The following DTX1 variants were observed in gnomAD, a reference collection of about 807,000 sequenced individuals.
DTX1 encodes E3 ubiquitin-protein ligase DTX1.
In DTX1, 26 loss-of-function variants were observed where a neutral mutation model predicts 57.8. The observed-to-expected ratio is 0.45, with a 90% CI of 0.33 to 0.62. DTX1 has a LOEUF of 0.62. Ranked by LOEUF, DTX1 falls within the 20% of genes least tolerant of loss-of-function variation. DTX1 has a pLI of 0.02. For missense variants in DTX1, 704 were observed against 895.3 expected (o/e 0.79, Z 2.73); for synonymous variants, 398 against 394.1 (o/e 1.01, Z -0.12).
Position 113,077,933 on chromosome 12 carries a change from G to C in DTX1, c.769G>C (p.Ala257Pro). Reference sequence around the variant, plus strand: ...CCCCAGCGCCACCTTCACAGGCGCCGCGCTCTGGGCAGCGCCCGCCGCCGG... The same window carrying C: ...CCCCAGCGCCACCTTCACAGGCGCCCCGCTCTGGGCAGCGCCCGCCGCCGG... ...VRPSATFTGA[A>P]LWAAPAAGPA... The change falls in exon 3 of 10, where the codon GCG becomes CCG. Residue 257 changes from alanine (A) to proline (P), a missense_variant. By Grantham distance (27) the Ala-to-Pro change is conservative. Around this residue, in one of 3 missense-constraint regions of DTX1, gnomAD observed 299 missense variants for 311.2 expected, o/e 0.96. Coordinates refer to ENST00000548759, the MANE Select transcript of DTX1 (RefSeq NM_004416.3). The surrounding 1 kb of genome is among the most constrained non-coding windows in gnomAD (Gnocchi z 7.8). The C allele has an allele frequency of 1.8e-6, 2 of 1,117,612 alleles. No individual in the cohort carries two copies. The highest frequency in any genetic ancestry group is 2.2e-6 in the Non-Finnish European group (2 of 916,392). 69.2% of individuals were successfully genotyped at this position (1,117,612 alleles called of 1,614,324 possible). A position where few individuals can be genotyped will look rare whatever the true frequency, so the allele number is the denominator to read the frequency against.
chr12:113,095,474 T>C, intron 9 of DTX1, 60 bp downstream of exon 9: 2 of 1,594,198 alleles, frequency 1.3e-6, no homozygotes, highest in Admixed American at 3.4e-5. Flanking sequence ...CAGCAACCAC[T>C]GGCCTGGGCC....
chr12:113,081,890 A>AT (rs2044820780), intron 3 of DTX1, among the ~76,000 whole-genome samples: 1 of 152,086 alleles, frequency 6.6e-6, no homozygotes, highest in South Asian at 2.1e-4. Context: ...TTTACCCCAA[A>AT]TGGGGGTACA....
intron 3 of DTX1, among the ~76,000 whole-genome samples, chr12:113,092,910 G>C (rs895687996): frequency 2.0e-5 from 3 of 152,200 alleles, no homozygotes; most frequent in Non-Finnish European, 4.4e-5. Flanking sequence ...CCGGCTGTAG[G>C]GTAAGGAGGT....
chr12:113,077,929 C>G lies in DTX1; in HGVS notation c.765C>G (p.Gly255=). Reference sequence around the variant, plus strand: ...TGCGCCCCAGCGCCACCTTCACAGGCGCCGCGCTCTGGGCAGCGCCCGCCG... The same window carrying G: ...TGCGCCCCAGCGCCACCTTCACAGGGGCCGCGCTCTGGGCAGCGCCCGCCG... ...LAVRPSATFT[G]AALWAAPAAG... is the part of the protein sequence containing the mutation. Residue 255 remains glycine, a synonymous_variant, in exon 3 of 10, where the codon GGC becomes GGG. Transcript: ENST00000548759. This position sits in a 1 kb window ranked among gnomAD's most constrained non-coding sequence, Gnocchi z 7.8. 1 of 1,147,096 alleles carries G rather than the reference C, an allele frequency of 8.7e-7. No individual in the cohort carries two copies. Among genetic ancestry groups the G allele is most frequent in the Non-Finnish European group, 1.1e-6 (1 of 935,976 alleles). The allele number at this position is 1,147,096 out of a possible 1,614,324, so 71.1% of individuals were successfully genotyped here. A position where few individuals can be genotyped will look rare whatever the true frequency, so the allele number is the denominator to read the frequency against.
chr12:113,087,064 A>C (rs1295806885), intron 3 of DTX1, among the ~76,000 whole-genome samples: 1 of 150,572 alleles, frequency 6.6e-6, no homozygotes, highest in East Asian at 1.9e-4. Flanking sequence ...CCCTGCCCCC[A>C]ACCATCTCCT....
chr12:113,081,038 C>T (rs890437538), intron 3 of DTX1, among the ~76,000 whole-genome samples: 4 of 151,562 alleles, frequency 2.6e-5, no homozygotes, highest in Admixed American at 2.6e-4. Flanking sequence ...TAATAGGTTG[C>T]GAGGTGAAAT....
intron 3 of DTX1, among the ~76,000 whole-genome samples, chr12:113,085,404 TACA>T (rs2136063321): frequency 6.6e-6 from 1 of 152,324 alleles, no homozygotes; most frequent in African/African-American, 2.4e-5. Flanking sequence ...ATCAGATTTG[TACA>T]ACATTGCCAA....
intron 2 of DTX1, among the ~76,000 whole-genome samples, chr12:113,066,326 C>G (rs2044703310): frequency 6.6e-6 from 1 of 151,990 alleles, no homozygotes; most frequent in Non-Finnish European, 1.5e-5. Context: ...GTCAGGAGTT[C>G]GAGACCAGCC....
intron 2 of DTX1, among the ~76,000 whole-genome samples, chr12:113,073,716 A>C (rs1592846356): frequency 6.6e-6 from 1 of 152,216 alleles, no homozygotes; most frequent in Non-Finnish European, 1.5e-5. Context: ...AGTGTGGAAC[A>C]GTCTGAGTTC....
chr12:113,093,539 G>C lies in DTX1; in HGVS notation c.1004G>C (p.Gly335Ala). 1.3e-6 allele frequency: 2 copies of C among 1,598,422 alleles called. No individual in the cohort carries two copies. Among genetic ancestry groups the C allele is most frequent in the Non-Finnish European group, 1.7e-6 (2 of 1,171,984 alleles). Residue 335 changes from glycine to alanine, a missense_variant and splice_region_variant, in exon 5 of 10, where the codon GGG becomes GCG. By Grantham distance (60) the Gly-to-Ala change is moderately conservative. Coordinates refer to ENST00000548759, the MANE Select transcript of DTX1 (RefSeq NM_004416.3). The surrounding 1 kb of genome is among the most constrained non-coding windows in gnomAD (Gnocchi z 4.2). ...GTGPVHPALAGMTGILLCAAG... is the reference protein window; with the variant it reads ...GTGPVHPALAAMTGILLCAAG... ...TGTGACTGCGCCCCCTAACCCCCAG[G>C]GATGACCGGGATACTGCTGTGCGCG...
chr12:113,082,619 G>C (rs1264301848), intron 3 of DTX1, among the ~76,000 whole-genome samples: 1 of 152,156 alleles, frequency 6.6e-6, no homozygotes, highest in Admixed American at 6.5e-5. Flanking sequence ...TTTAGAGACA[G>C]AGCCTCGCTC....
chr12:113,096,232 A>G (rs1450313270), intron 9 of DTX1, among the ~76,000 whole-genome samples: 2 of 151,082 alleles, frequency 1.3e-5, no homozygotes, highest in Non-Finnish European at 3.0e-5. Flanking sequence ...GGCCAAGCGC[A>G]GTGGTGCACA....
intron 3 of DTX1, among the ~76,000 whole-genome samples, chr12:113,078,742 C>T (rs575818284): frequency 6.6e-6 from 1 of 152,100 alleles, no homozygotes; most frequent in Non-Finnish European, 1.5e-5. Context: ...TGTCCTTGTC[C>T]CAGTCCATGC....
Position 113,076,095 on chromosome 12 carries a change from A to G in DTX1, c.260-1329A>G, listed in dbSNP as rs537168008. Among the ~76,000 whole-genome samples the G allele has an allele frequency of 2.6e-5, 4 of 152,234 alleles. No individual in the cohort carries two copies. In the East Asian group the frequency reaches 7.7e-4, roughly 29 times the overall value. Reference sequence around the variant, plus strand: ...TTTTAAATAGGATGATGGTAAATGAAGGAATGTCTGAATGCCTGAATACGG... The same window carrying G: ...TTTTAAATAGGATGATGGTAAATGAGGGAATGTCTGAATGCCTGAATACGG... On this transcript the variant is annotated intron_variant, in intron 2 of 9. Coordinates refer to ENST00000548759, the MANE Select transcript of DTX1 (RefSeq NM_004416.3).
intron 2 of DTX1, among the ~76,000 whole-genome samples, chr12:113,064,561 C>G (rs1273465095): frequency 6.6e-6 from 1 of 152,220 alleles, no homozygotes; most frequent in Non-Finnish European, 1.5e-5. Context: ...TTTGAACCCT[C>G]TGACTCATAA....
Position 113,094,111 on chromosome 12 carries a change from A to AGGGGG in DTX1, c.1227+12_1227+13insGGGGG. On this transcript the variant is annotated intron_variant, in intron 6 of 9. Coordinates refer to ENST00000548759, the MANE Select transcript of DTX1 (RefSeq NM_004416.3). ...ACCCACCTGATGAGGTGAGGAGGGGATGGGGGGGCTGGGGGAGGGCCCTGG... is the reference window on the plus strand; with the variant it reads ...ACCCACCTGATGAGGTGAGGAGGGGAGGGGGTGGGGGGGCTGGGGGAGGGCCCTGG... The AGGGGG allele has an allele frequency of 1.8e-6, 1 of 562,458 alleles. No homozygotes were observed. The highest frequency in any genetic ancestry group is 2.7e-5 in the Admixed American group (1 of 37,426). The allele number at this position is 562,458 out of a possible 1,614,324, so 34.8% of individuals were successfully genotyped here.
At chr12:113,068,733 T>A (rs1470789705) in intron 2 of DTX1, among the ~76,000 whole-genome samples, 4 of 152,036 alleles carry the variant, frequency 2.6e-5, no homozygotes, top group African/African-American at 9.7e-5. Flanking sequence ...CAGCCTTGAG[T>A]CTGTGAAAAA....
chr12:113,093,679 A>G lies in DTX1; in HGVS notation c.1144A>G (p.Lys382Glu). ...PGVPGVCRKT[K>E]KKHLKKSKNP... The stretch of plus-strand genomic sequence containing the variant: ...CGTGCCCGGGGTGTGCCGCAAGACC[A>G]AGAAGAAGCACCTTAAAAAGAGTAC... The change falls in exon 5 of 10, where the codon AAG becomes GAG. Residue 382 changes from lysine (K) to glutamate (E), a missense_variant. Transcript: ENST00000548759. This position sits in a 1 kb window ranked among gnomAD's most constrained non-coding sequence, Gnocchi z 4.2. The G allele has an allele frequency of 6.2e-7, 1 of 1,613,676 alleles. No individual in the cohort carries two copies. The highest frequency in any genetic ancestry group is 8.5e-7 in the Non-Finnish European group (1 of 1,179,900).
chr12:113,077,325 C>CCCA lies in DTX1; in HGVS notation c.260-98_260-96dup. 1 of 1,383,214 alleles carries CCCA rather than the reference C, an allele frequency of 7.2e-7. No individual in the cohort carries two copies. The highest frequency in any genetic ancestry group is 1.5e-5 in the African/African-American group (1 of 68,402). 85.7% of individuals were successfully genotyped at this position (1,383,214 alleles called of 1,614,324 possible). The stretch of plus-strand genomic sequence containing the variant: ...ACCCCCTGGAGGCCTGTGCTGACCC[C>CCCA]CCAACCTCCCGCCCACCCTTGCCTG... On this transcript the variant is annotated intron_variant, in intron 2 of 9. Coordinates refer to ENST00000548759, the MANE Select transcript of DTX1 (RefSeq NM_004416.3). This position sits in a 1 kb window ranked among gnomAD's most constrained non-coding sequence, Gnocchi z 7.8.
Sources: allele counts gnomAD v4.1 joint callset (sites outside exome capture counted in the v4.1 genomes callset), GRCh38; gene constraint gnomAD v4.1.1; regional missense constraint gnomAD v4.1.1; non-coding constraint Gnocchi (gnomAD v3.1); transcripts MANE v1.5; gene names NCBI Gene and HGNC (gene_info 2026-07-23, HGNC 2026-07-21).